The following SLC7A14 variants were observed in gnomAD, a reference collection of about 807,000 sequenced individuals.
The protein encoded by SLC7A14 is solute carrier family 7 member 14, also known as gamma-aminobutyric acid transporter SLC7A14.
A neutral mutation model predicts 60.2 loss-of-function variants in SLC7A14; 37 were observed. The observed-to-expected ratio is 0.61, with a 90% CI of 0.47 to 0.81. The LOEUF (loss-of-function observed/expected upper bound fraction) is 0.81, where lower values mean the gene tolerates loss of function less well. SLC7A14 is among the 30% of genes least tolerant of loss of function. The pLI is 0.00. For missense variants in SLC7A14, 886 were observed against 982.7 expected (o/e 0.90, Z 1.32); for synonymous variants, 399 against 395.8 (o/e 1.01, Z -0.10).
intron 7 of SLC7A14, among the ~76,000 whole-genome samples, chr3:170,472,723 T>C (rs1002042388): frequency 1.1e-4 from 16 of 147,840 alleles, no homozygotes; most frequent in African/African-American, 4.0e-4. Context: ...GCTGAGATTG[T>C]GCCACTGCAC....
chr3:170,584,471 C>T (rs1048006340), intron 1 of SLC7A14, among the ~76,000 whole-genome samples: 3 of 152,140 alleles, frequency 2.0e-5, no homozygotes, highest in African/African-American at 7.2e-5. Flanking sequence ...AGGAAGCTCC[C>T]GAAGTTAGCA....
Position 170,472,096 on chromosome 3 carries a change from C to T in SLC7A14, c.1994-4719G>A, listed in dbSNP as rs570712242. 4.0e-5 allele frequency among the ~76,000 whole-genome samples: 6 copies of T among 151,882 alleles called. No homozygotes were observed. In the South Asian group the frequency reaches 6.3e-4, roughly 16 times the overall value. ...AGTGTTTCAATATTCTGGCTGGGCA[C>T]GGTGGCTCATGCCTGTAATCCCAGC... On this transcript the variant is annotated intron_variant, in intron 7 of 7. Transcript: ENST00000231706.
At chr3:170,493,653 A>T (rs1450129659) in intron 4 of SLC7A14, among the ~76,000 whole-genome samples, 1 of 152,186 alleles carries the variant, frequency 6.6e-6, no homozygotes, top group Non-Finnish European at 1.5e-5. Flanking sequence ...TGTGTGTATT[A>T]CCTTGGTGTA....
intron 4 of SLC7A14, chr3:170,495,789 A>G (rs1712371794): frequency 3.5e-6 from 4 of 1,141,074 alleles, no homozygotes; most frequent in Non-Finnish European, 5.3e-6. Context: ...GCAGTAGAAC[A>G]AGATGCTGGA....
chr3:170,473,277 G>T (rs1711511225), intron 7 of SLC7A14, among the ~76,000 whole-genome samples: 2 of 152,194 alleles, frequency 1.3e-5, no homozygotes, highest in South Asian at 2.1e-4. Flanking sequence ...GATCATACAG[G>T]AGAAATCCTA....
intron 4 of SLC7A14, among the ~76,000 whole-genome samples, chr3:170,494,442 C>T (rs1019014128): frequency 9.2e-5 from 14 of 152,184 alleles, no homozygotes; most frequent in African/African-American, 3.4e-4. Flanking sequence ...GAGGCAGGCT[C>T]CTGATTGAGG....
At chr3:170,501,378 T>C (rs769753389) in intron 2 of SLC7A14, 33 bp from the exon 3 acceptor site, 7 of 1,575,652 alleles carry the variant, frequency 4.4e-6, no homozygotes, top group African/African-American at 1.3e-5. Context: ...GATGGTGGAC[T>C]TCAGGAGATG....
intron 2 of SLC7A14, among the ~76,000 whole-genome samples, chr3:170,514,165 A>G (rs1366092345): frequency 6.6e-6 from 1 of 152,190 alleles, no homozygotes; most frequent in Non-Finnish European, 1.5e-5. Flanking sequence ...GCCTCTGTGA[A>G]CTAGCAACAT....
chr3:170,505,368 G>A (rs1372481421), intron 2 of SLC7A14, among the ~76,000 whole-genome samples: 3 of 152,206 alleles, frequency 2.0e-5, no homozygotes, highest in Non-Finnish European at 2.9e-5. Flanking sequence ...CCTAATGTAC[G>A]CATGCCCCAT....
chr3:170,481,153 C>T lies in SLC7A14; in HGVS notation c.1129G>A (p.Val377Ile), dbSNP rs114883808. 0.01 allele frequency: 16,759 copies of T among 1,612,950 alleles called. 118 individuals are homozygous for T. Among genetic ancestry groups the T allele is most frequent in the Non-Finnish European group, 0.013 (14,836 of 1,179,366 alleles). Residue 377 changes from valine to isoleucine, a missense_variant, in exon 7 of 8, where the codon GTC (valine) becomes ATC (isoleucine). Coordinates refer to ENST00000231706, the MANE Select transcript of SLC7A14 (RefSeq NM_020949.3). The stretch of plus-strand genomic sequence containing the variant: ...ACTGGTGTCTCTGTGTAGGAGCTGA[C>T]GTGAGCCAGGAACCTGGAGGGGCCG... Reference protein sequence around the residue: ...DGLLFRFLAHVSSYTETPVVA... With the variant: ...DGLLFRFLAHISSYTETPVVA...
chr3:170,514,132 G>C lies in SLC7A14; in HGVS notation c.304+12501C>G, dbSNP rs373149709. On this transcript the variant is annotated intron_variant, in intron 2 of 7. Transcript: ENST00000231706. ...GTCAGGAGCTTTTTGATTCCCTGGG[G>C]TGGCCGTGGCTCCTTGTCTGCAGCC... Among the ~76,000 whole-genome samples the C allele has an allele frequency of 2.3e-4, 35 of 152,344 alleles. No homozygotes were observed. In the South Asian group the frequency reaches 5.8e-3, roughly 25 times the overall value.
chr3:170,532,072 A>G lies in SLC7A14; in HGVS notation c.-152-4984T>C, dbSNP rs570408993. Among the ~76,000 whole-genome samples, 3 of 152,334 alleles carry G rather than the reference A, an allele frequency of 2.0e-5. No homozygotes were observed. The highest frequency in any genetic ancestry group is 2.1e-4 in the South Asian group (1 of 4,822). ...GTAATCATTCCTGCCTGATTTTGCA[A>G]ATATGCTAAGGGACTACAAAAATCC... On this transcript the variant is annotated intron_variant, in intron 1 of 7. Coordinates refer to ENST00000231706, the MANE Select transcript of SLC7A14 (RefSeq NM_020949.3). This position sits in a 1 kb window ranked among gnomAD's most constrained non-coding sequence, Gnocchi z 4.0.
At chr3:170,504,332 A>T (rs1712703390) in intron 2 of SLC7A14, among the ~76,000 whole-genome samples, 2 of 151,796 alleles carry the variant, frequency 1.3e-5, no homozygotes, top group African/African-American at 4.8e-5. Flanking sequence ...TTTTTTTTAA[A>T]TTTTTTTAGA....
intron 7 of SLC7A14, among the ~76,000 whole-genome samples, chr3:170,467,733 A>G (rs897920070): frequency 1.3e-5 from 2 of 152,172 alleles, no homozygotes; most frequent in African/African-American, 2.4e-5. Flanking sequence ...CCCACCTCCC[A>G]TGCTGACGTC....
Position 170,528,136 on chromosome 3 carries a change from T to C in SLC7A14, c.-152-1048A>G, listed in dbSNP as rs1030772413. On this transcript the variant is annotated intron_variant, in intron 1 of 7. Transcript: ENST00000231706. The stretch of plus-strand genomic sequence containing the variant: ...CAAGCATTTGACACCGTCATTTGGA[T>C]ATGCCTGGGTATTTACACACTGAAA... Among the ~76,000 whole-genome samples, 10 of 152,306 alleles carry C rather than the reference T, an allele frequency of 6.6e-5. No individual in the cohort carries two copies. The East Asian group carries it at 1.9e-3, about 29-fold the overall frequency.
rs371902994 is a variant in SLC7A14 at position 170,478,806 on chromosome 3, T to C, written c.1993+1483A>G. ...CAAGTGTATTCCTGATCTCTAGGAG[T>C]GGATGCACTGCCACTCATCACTAAG... is the stretch of plus-strand genomic sequence containing the variant. On this transcript the variant is annotated intron_variant, in intron 7 of 7. Transcript: ENST00000231706. Among the ~76,000 whole-genome samples, 187 of 151,782 alleles carry C rather than the reference T, an allele frequency of 1.2e-3. 2 individuals carry two copies. The South Asian group carries it at 0.035, about 28-fold the overall frequency.
chr3:170,541,886 T>C (rs1301549670), intron 1 of SLC7A14, among the ~76,000 whole-genome samples: 1 of 152,176 alleles, frequency 6.6e-6, no homozygotes, highest in Non-Finnish European at 1.5e-5. Flanking sequence ...ATTATGTAAC[T>C]AAAACCCCAA....
chr3:170,552,234 A>G (rs1334125718), intron 1 of SLC7A14, among the ~76,000 whole-genome samples: 1 of 152,156 alleles, frequency 6.6e-6, no homozygotes, highest in Admixed American at 6.5e-5. Flanking sequence ...AGACAATTCA[A>G]TAGGAAAAAT....
chr3:170,552,269 A>G (rs1173177218), intron 1 of SLC7A14, among the ~76,000 whole-genome samples: 1 of 152,208 alleles, frequency 6.6e-6, no homozygotes, highest in African/African-American at 2.4e-5. Flanking sequence ...ACACTCTTAC[A>G]TTAATAAGTT....
Sources: allele counts gnomAD v4.1 joint callset (sites outside exome capture counted in the v4.1 genomes callset), GRCh38; gene constraint gnomAD v4.1.1; non-coding constraint Gnocchi (gnomAD v3.1); transcripts MANE v1.5; gene names NCBI Gene and HGNC (gene_info 2026-07-23, HGNC 2026-07-21).